The following PLD3 variants were observed in gnomAD, a reference collection of about 807,000 sequenced individuals.
PLD3 encodes phospholipase D family member 3.
A neutral mutation model predicts 58.4 loss-of-function variants in PLD3; 31 were observed. The observed-to-expected ratio is 0.53, with a 90% CI of 0.40 to 0.72. The LOEUF (loss-of-function observed/expected upper bound fraction) is 0.72. Among genes scored for constraint, PLD3 ranks in the 30% least tolerant of loss-of-function variants. PLD3 has a pLI of 0.00. For synonymous variants in PLD3, 264 were observed against 273.4 expected (o/e 0.97, Z 0.34); for missense variants, 595 against 659.8 (o/e 0.90, Z 1.08).
rs915176811 is a variant in PLD3, at chr19:40,348,714, C to G, written c.-333C>G. On this transcript the variant is annotated 5_prime_UTR_variant, in exon 1 of 13. Transcript: ENST00000409735. ...TAGGAGGGGCCGTCAGGCGGGGATA[C>G]AGCCTGGAAGGTGCGTGTGGGGCTG... 1.7e-6 allele frequency: 1 copy of G among 580,626 alleles called. No individual in the cohort carries two copies. Among genetic ancestry groups the G allele is most frequent in the Non-Finnish European group, 2.7e-6 (1 of 363,908 alleles). 36.0% of individuals were successfully genotyped at this position (580,626 alleles called of 1,614,324 possible).
chr19:40,369,451 T>G (rs944338934), intron 6 of PLD3, among the ~76,000 whole-genome samples: 1 of 152,110 alleles, frequency 6.6e-6, no homozygotes, highest in African/African-American at 2.4e-5. Flanking sequence ...CCTCACTGGG[T>G]TGTGAGAATT....
At position 40,378,130 on chromosome 19, in the gene PLD3, A is replaced by G. The variant is rs141721330; in HGVS notation, c.1430A>G (p.Asp477Gly). Residue 477 changes from aspartate to glycine, a missense_variant, in exon 13 of 13, where the codon GAC (aspartate) becomes GGC (glycine). Physicochemically the swap from Asp to Gly is moderately conservative, Grantham distance 94 (BLOSUM62 -1). Transcript: ENST00000409735. ...DWDSPYSHDL[D>G]TSADSVGNAC... ...GACTCCCCTTACAGCCATGACCTTG[A>G]CACCTCAGCTGACAGCGTGGGCAAC... is the stretch of plus-strand genomic sequence containing the variant. 1.1e-4 allele frequency: 171 copies of G among 1,613,444 alleles called. No individual in the cohort carries two copies. Among genetic ancestry groups the G allele is most frequent in the Admixed American group, 8.3e-5 (5 of 59,968 alleles).
Position 40,370,028 on chromosome 19 carries a change from G to A in PLD3, c.550G>A (p.Gly184Ser), listed in dbSNP as rs1254240534. 6 of 1,564,170 alleles carry A rather than the reference G, an allele frequency of 3.8e-6. No individual in the cohort carries two copies. Among genetic ancestry groups the A allele is most frequent in the Non-Finnish European group, 4.3e-6 (5 of 1,154,936 alleles). The change falls in exon 7 of 13, where the codon GGT becomes AGT. Residue 184 changes from glycine (G) to serine (S), a missense_variant and splice_region_variant. By Grantham distance (56) the Gly-to-Ser change is moderately conservative (BLOSUM62 0). Coordinates refer to ENST00000409735, the MANE Select transcript of PLD3 (RefSeq NM_012268.4). The part of the protein sequence containing the change: ...QADLQALLQS[G>S]AQVRMVDMQK... ...GGACCTGCAGGCTCTGCTGCAGAGCGGTGAGCTGGGGCCCAACTGGGGCTG... is the reference window on the plus strand; with the variant it reads ...GGACCTGCAGGCTCTGCTGCAGAGCAGTGAGCTGGGGCCCAACTGGGGCTG...
At chr19:40,354,527 T>C (rs1439844472) in intron 1 of PLD3, among the ~76,000 whole-genome samples, 1 of 151,594 alleles carries the variant, frequency 6.6e-6, no homozygotes, top group Non-Finnish European at 1.5e-5. Context: ...CATGTTATTA[T>C]TATTATTTTA....
chr19:40,350,944 AAG>A (rs1194709171), intron 1 of PLD3, among the ~76,000 whole-genome samples: 1 of 151,960 alleles, frequency 6.6e-6, no homozygotes, highest in Admixed American at 6.6e-5. Context: ...CTTGAAGGAG[AAG>A]AGAGAGTAGG....
At chr19:40,371,469 A>G (rs2079065614) in intron 8 of PLD3, 1 of 583,176 alleles carries the variant, frequency 1.7e-6, no homozygotes, top group Admixed American at 3.0e-5. Flanking sequence ...AGCAGATTGC[A>G]AACGTTCAGG....
Position 40,366,831 on chromosome 19 carries a change from T to A in PLD3, c.161T>A (p.Met54Lys). 1 of 1,614,044 alleles carries A rather than the reference T, an allele frequency of 6.2e-7. No homozygotes were observed. ...ILAVVGFGAL[M>K]TQLFLWEYGD... ...GCGGTTGTGGGCTTCGGAGCCCTGA[T>A]GACTCAGCTGTTTCTATGGGAATAC... Residue 54 changes from methionine (M) to lysine (K), a missense_variant, in exon 5 of 13, where the codon ATG (methionine) becomes AAG (lysine). Coordinates refer to ENST00000409735, the MANE Select transcript of PLD3 (RefSeq NM_012268.4).
Position 40,377,816 on chromosome 19 carries a change from C to G in PLD3, c.1216C>G (p.Gln406Glu). The change falls in exon 12 of 13, where the codon CAG becomes GAG. Residue 406 changes from glutamine (Q) to glutamate (E), a missense_variant. Physicochemically the swap from Gln to Glu is conservative, Grantham distance 29. Coordinates refer to ENST00000409735, the MANE Select transcript of PLD3 (RefSeq NM_012268.4). Reference protein sequence around the residue: ...KLFVVPADEAQARIPYARVNH... With the variant: ...KLFVVPADEAEARIPYARVNH... ...CTTTGTGGTCCCCGCGGATGAGGCC[C>G]AGGCTCGAATCCCATATGCCCGTGT... The G allele has an allele frequency of 6.2e-7, 1 of 1,613,994 alleles. No individual in the cohort carries two copies. Among genetic ancestry groups the G allele is most frequent in the South Asian group, 1.1e-5 (1 of 91,084 alleles).
At chr19:40,373,991 CAAAAAAAA>C (rs750537190) in intron 9 of PLD3, among the ~76,000 whole-genome samples, 3 of 43,544 alleles carry the variant, frequency 6.9e-5, no homozygotes, top group Non-Finnish European at 9.5e-5. Context: ...GACTCCATCT[CAAAAAAAA>C]AAAAAAAAAA....
At chr19:40,365,161 GAGAGGTGCCACCCTGCCGTGAAA>G (rs1336112848) in intron 1 of PLD3, among the ~76,000 whole-genome samples, 19 of 152,204 alleles carry the variant, frequency 1.2e-4, no homozygotes, top group Non-Finnish European at 2.5e-4. Context: ...GTCTCATTGA[GAGAGGTGCCACCCTGCCGTGAAA>G]AGAGGTGCCA....
At chr19:40,366,721 A>G (rs1310465277) in intron 4 of PLD3, 37 bp downstream of exon 4, 3 of 1,613,978 alleles carry the variant, frequency 1.9e-6, no homozygotes, top group Middle Eastern at 1.7e-4. Context: ...TGTCTCAGAG[A>G]CAGGCTGGGC....
intron 8 of PLD3, 99 bp from the exon 9 acceptor site, chr19:40,371,574 T>C: frequency 1.4e-6 from 1 of 734,034 alleles, no homozygotes; most frequent in Non-Finnish European, 2.3e-6. Context: ...GAGGGGGTAC[T>C]GTGGGACAGG....
chr19:40,355,292 GA>G (rs2078626526), intron 1 of PLD3, among the ~76,000 whole-genome samples: 1 of 151,468 alleles, frequency 6.6e-6, no homozygotes. Flanking sequence ...TCTTTAAGAA[GA>G]TTTTTTTTCC....
intron 1 of PLD3, among the ~76,000 whole-genome samples, chr19:40,364,636 C>CA (rs879469370): frequency 1.4e-4 from 20 of 145,806 alleles, no homozygotes; most frequent in South Asian, 8.8e-4. Flanking sequence ...CTAAAAAATA[C>CA]AAAAAAAAAA....
chr19:40,367,952 G>A (rs892293462), intron 6 of PLD3, 73 bp downstream of exon 6: 4 of 1,319,516 alleles, frequency 3.0e-6, no homozygotes, highest in Non-Finnish European at 4.1e-6. Context: ...GGGGAATGAA[G>A]GGGTTTCTCC....
At chr19:40,362,033 C>T (rs925640333) in intron 1 of PLD3, among the ~76,000 whole-genome samples, 2 of 152,006 alleles carry the variant, frequency 1.3e-5, no homozygotes, top group Admixed American at 6.6e-5. Context: ...GATGGGATTT[C>T]GCCATGTTGG....
At chr19:40,370,428 T>C in intron 8 of PLD3, 191 bp downstream of exon 8, 1 of 525,582 alleles carries the variant, frequency 1.9e-6, no homozygotes. Context: ...ATCTCAACAC[T>C]TTGGGAGGCC....
chr19:40,374,427 G>C (rs969842559), intron 9 of PLD3, 54 bp from the exon 10 acceptor site: 1 of 1,600,444 alleles, frequency 6.2e-7, no homozygotes, highest in Non-Finnish European at 8.5e-7. Flanking sequence ...TGTGGGGTCC[G>C]TTGTGACGAT....
At chr19:40,363,716 C>G (rs1468986693) in intron 1 of PLD3, among the ~76,000 whole-genome samples, 1 of 152,140 alleles carries the variant, frequency 6.6e-6, no homozygotes, top group Non-Finnish European at 1.5e-5. Context: ...CAGGCGTGAG[C>G]CACCACACCC....
Sources: gnomAD v4.1 joint callset for allele counts (sites outside exome capture counted in the v4.1 genomes callset) on GRCh38, gnomAD v4.1.1 for gene constraint, MANE v1.5 for transcripts, NCBI Gene and HGNC (gene_info 2026-07-23, HGNC 2026-07-21) for gene names.